ARHGAP17: variants seen among roughly 807,000 people sequenced by gnomAD.
ARHGAP17 encodes the protein rho GTPase-activating protein 17.
In ARHGAP17, 57 loss-of-function variants were observed where a neutral mutation model predicts 99.5. The ratio of observed to expected loss-of-function variants is 0.57; its 90% confidence interval spans 0.46 to 0.71. The LOEUF is 0.71. ARHGAP17 is among the 30% of genes least tolerant of loss of function. The pLI is 0.00. For missense variants in ARHGAP17, 1,000 were observed against 1,122.4 expected (o/e 0.89, Z 1.56); for synonymous variants, 417 against 429.6 (o/e 0.97, Z 0.36).
At chr16:24,965,554 T>C (rs2052154597) in intron 6 of ARHGAP17, among the ~76,000 whole-genome samples, 1 of 152,224 alleles carries the variant, frequency 6.6e-6, no homozygotes, top group Admixed American at 6.5e-5. Flanking sequence ...CCCAAAATGC[T>C]ATGTTCTGCC....
At chr16:24,946,630 C>T (rs1487622742) in intron 14 of ARHGAP17, among the ~76,000 whole-genome samples, 1 of 152,038 alleles carries the variant, frequency 6.6e-6, no homozygotes, top group Admixed American at 6.6e-5. Context: ...CCTTTTTCAT[C>T]CTGAAAGCAG....
Position 24,925,479 on chromosome 16 carries a change from G to A in ARHGAP17, c.2516-5219C>T, listed in dbSNP as rs149718438. On this transcript the variant is annotated intron_variant, in intron 19 of 19. Transcript: ENST00000289968. ...GAATTGTGTAATTTTATCAGGAACT[G>A]ATGATTTCTCGTCAGTTTTCTAGGG... 2.4e-3 allele frequency among the ~76,000 whole-genome samples: 360 copies of A among 152,320 alleles called. 2 individuals carry two copies. The highest frequency in any genetic ancestry group is 8.3e-3 in the African/African-American group (343 of 41,570).
At chr16:24,986,154 C>T (rs867321513) in intron 1 of ARHGAP17, among the ~76,000 whole-genome samples, 1 of 152,194 alleles carries the variant, frequency 6.6e-6, no homozygotes, top group African/African-American at 2.4e-5. Flanking sequence ...CAGTAGCAGC[C>T]ATATTTGCTG....
chr16:24,952,021 G>A (rs2051658682), intron 12 of ARHGAP17, among the ~76,000 whole-genome samples: 1 of 152,086 alleles, frequency 6.6e-6, no homozygotes, highest in African/African-American at 2.4e-5. Context: ...CTGGAAATTT[G>A]CAAATCCATT....
chr16:24,931,000 C>A lies in ARHGAP17; in HGVS notation c.2299G>T (p.Gly767Ter). The A allele has an allele frequency of 6.2e-7, 1 of 1,613,188 alleles. No homozygotes were observed. Among genetic ancestry groups the A allele is most frequent in the Non-Finnish European group, 8.5e-7 (1 of 1,179,722 alleles). ...TPTPPSTPPL[G>*]KQNPSLPAPQ... ...GCTGGCAGACTGGGGTTCTGTTTTC[C>A]TAGGGGCGGAGTACTGGGGGGCGTT... The change falls in exon 19 of 20, where the codon GGA becomes TGA. Residue 767 changes from glycine (G) to a stop codon, truncating the protein, a stop_gained. Coordinates refer to ENST00000289968, the MANE Select transcript of ARHGAP17 (RefSeq NM_001006634.3). LOFTEE classifies it high-confidence loss of function.
At chr16:24,938,550 G>C (rs962419065) in intron 17 of ARHGAP17, among the ~76,000 whole-genome samples, 5 of 152,006 alleles carry the variant, frequency 3.3e-5, no homozygotes, top group African/African-American at 9.7e-5. Context: ...GATCACTTGA[G>C]GCCAGGAGTT....
intron 1 of ARHGAP17, among the ~76,000 whole-genome samples, chr16:25,003,230 CT>C (rs564573463): frequency 0.058 from 5,227 of 90,472 alleles, 15 homozygotes; most frequent in Non-Finnish European, 0.089. Context: ...AGCTTTAAAG[CT>C]TTTTTTTTTT....
At chr16:24,920,964 G>T (rs182320269) in intron 19 of ARHGAP17, 1 of 152,198 alleles carries the variant, frequency 6.6e-6, no homozygotes, top group Non-Finnish European at 1.5e-5. Context: ...AATACACCTC[G>T]AATGCCATTT....
At position 24,959,888 on chromosome 16, in the gene ARHGAP17, T is replaced by C. The variant is rs1381847050; in HGVS notation, c.642+23A>G. 1.9e-6 allele frequency: 3 copies of C among 1,611,180 alleles called. No homozygotes were observed. The African/African-American group carries it at 4.0e-5, about 22-fold the overall frequency. Reference sequence around the variant, plus strand: ...ACTCCATTTTAACAATGCTTTAACATTTTCTCAAGGGAAGGTGCTTACCGT... The same window carrying C: ...ACTCCATTTTAACAATGCTTTAACACTTTCTCAAGGGAAGGTGCTTACCGT... On this transcript the variant is annotated intron_variant, in intron 8 of 19. Coordinates refer to ENST00000289968, the MANE Select transcript of ARHGAP17 (RefSeq NM_001006634.3).
At chr16:24,967,259 A>T (rs1807814704) in intron 6 of ARHGAP17, among the ~76,000 whole-genome samples, 1 of 152,220 alleles carries the variant, frequency 6.6e-6, no homozygotes, top group African/African-American at 2.4e-5. Context: ...TTGTAAATAA[A>T]GTTTTATTGG....
chr16:24,941,702 T>G (rs539851656), intron 16 of ARHGAP17: 2 of 405,834 alleles, frequency 4.9e-6, no homozygotes, highest in Admixed American at 8.2e-5. Flanking sequence ...TGGGTCACTT[T>G]TAACATGTGT....
intron 12 of ARHGAP17, among the ~76,000 whole-genome samples, chr16:24,951,915 G>A (rs1429861320): frequency 1.3e-5 from 2 of 152,052 alleles, no homozygotes; most frequent in African/African-American, 4.8e-5. Flanking sequence ...CTGTATTATC[G>A]CACAGGTGAG....
chr16:24,955,698 G>A lies in ARHGAP17; in HGVS notation c.725-968C>T, dbSNP rs2051788649. ...TGGCCATTGGTCCCTTAGCAGCTCT[G>A]CTGTTAGAAAGCTGGGTTGGAAGAA... On this transcript the variant is annotated intron_variant, in intron 9 of 19. Transcript: ENST00000289968. This position sits in a 1 kb window ranked among gnomAD's most constrained non-coding sequence, Gnocchi z 4.0. 1 of 152,286 alleles carries A rather than the reference G, an allele frequency of 6.6e-6. No individual in the cohort carries two copies. Among genetic ancestry groups the A allele is most frequent in the Admixed American group, 6.5e-5 (1 of 15,284 alleles). The allele number at this position is 152,286 out of a possible 1,614,324, so 9.4% of individuals were successfully genotyped here.
At chr16:24,971,339 T>C (rs2052355304) in intron 3 of ARHGAP17, among the ~76,000 whole-genome samples, 2 of 151,864 alleles carry the variant, frequency 1.3e-5, no homozygotes, top group Admixed American at 6.6e-5. Flanking sequence ...GCTTTTTTTT[T>C]TTTTTTTTGA....
chr16:24,979,704 T>TTTATTATTATTATTA (rs532237734), intron 1 of ARHGAP17, among the ~76,000 whole-genome samples: 107 of 150,592 alleles, frequency 7.1e-4, no homozygotes, highest in African/African-American at 1.7e-3. Context: ...TAATTTTTAT[T>TTTATTATTATTATTA]TTATTATTAT....
chr16:24,930,042 T>G (rs1238635872), intron 19 of ARHGAP17, among the ~76,000 whole-genome samples: 1 of 152,170 alleles, frequency 6.6e-6, no homozygotes, highest in Non-Finnish European at 1.5e-5. Flanking sequence ...AATAATAAAT[T>G]AGAGCATTTG....
chr16:24,929,871 A>C (rs1403105757), intron 19 of ARHGAP17, among the ~76,000 whole-genome samples: 1 of 152,212 alleles, frequency 6.6e-6, no homozygotes, highest in African/African-American at 2.4e-5. Flanking sequence ...CTGCAAAGTC[A>C]CTCAATATGG....
intron 1 of ARHGAP17, among the ~76,000 whole-genome samples, chr16:25,000,410 G>A (rs1567266883): frequency 6.6e-6 from 1 of 152,170 alleles, no homozygotes. Flanking sequence ...CATGGGAACT[G>A]TAACTAAGCA....
At chr16:24,935,837 G>A (rs2051125510) in intron 17 of ARHGAP17, 198 bp from the exon 18 acceptor site, 2 of 640,244 alleles carry the variant, frequency 3.1e-6, no homozygotes, top group African/African-American at 1.8e-5. Context: ...ATGTTTACTT[G>A]GTGCCATTTT....
Sources: gnomAD v4.1 joint callset for allele counts (sites outside exome capture counted in the v4.1 genomes callset) on GRCh38, gnomAD v4.1.1 for gene constraint, Gnocchi (gnomAD v3.1) non-coding constraint, MANE v1.5 for transcripts, NCBI Gene and HGNC (gene_info 2026-07-23, HGNC 2026-07-21) for gene names.